The following EXT1 variants were observed in gnomAD, a reference collection of about 807,000 sequenced individuals.
The protein encoded by EXT1 is exostosin-1.
Under a neutral mutation model 82.5 loss-of-function variants are expected in EXT1, and 20 were observed. That is an observed-to-expected ratio of 0.24 (90% CI 0.17 to 0.35). The LOEUF (loss-of-function observed/expected upper bound fraction) is 0.35. Among genes scored for constraint, EXT1 ranks in the 10% least tolerant of loss-of-function variants. EXT1 has a pLI of 1.00. For synonymous variants in EXT1, 348 were observed against 350.8 expected (o/e 0.99, Z 0.09); for missense variants, 757 against 936.5 (o/e 0.81, Z 2.50).
intron 1 of EXT1, among the ~76,000 whole-genome samples, chr8:117,898,650 C>T (rs1025494093): frequency 6.6e-6 from 1 of 151,984 alleles, no homozygotes; most frequent in African/African-American, 2.4e-5. Context: ...TAAGTTAGAG[C>T]ACAAAACGTC....
chr8:117,998,652 A>T (rs1272212346), intron 1 of EXT1, among the ~76,000 whole-genome samples: 1 of 152,180 alleles, frequency 6.6e-6, no homozygotes, highest in Non-Finnish European at 1.5e-5. Flanking sequence ...CTGTTGGCTG[A>T]TCATGAGGAT....
intron 1 of EXT1, among the ~76,000 whole-genome samples, chr8:118,027,412 A>G (rs2129870537): frequency 6.6e-6 from 1 of 152,158 alleles, no homozygotes; most frequent in East Asian, 1.9e-4. Flanking sequence ...ACAAGGGTGG[A>G]AGAAACTGAG....
intron 1 of EXT1, among the ~76,000 whole-genome samples, chr8:117,855,131 A>C (rs1375843942): frequency 6.6e-6 from 1 of 152,236 alleles, no homozygotes; most frequent in East Asian, 1.9e-4. Flanking sequence ...CACTGCTTTG[A>C]TAGGATGCTA....
chr8:118,060,209 T>G (rs11562722), intron 1 of EXT1, among the ~76,000 whole-genome samples: 8,139 of 152,236 alleles, frequency 0.053, 688 homozygotes, highest in African/African-American at 0.19. Flanking sequence ...TTTCCTAGAT[T>G]CCCTTTAGTC....
At chr8:118,018,887 T>C (rs1816049839) in intron 1 of EXT1, among the ~76,000 whole-genome samples, 1 of 152,102 alleles carries the variant, frequency 6.6e-6, no homozygotes, top group Non-Finnish European at 1.5e-5. Context: ...CTCTCTTTTT[T>C]CCAATACAGA....
intron 1 of EXT1, among the ~76,000 whole-genome samples, chr8:117,982,498 C>CTT (rs143645683): frequency 2.0e-5 from 3 of 149,706 alleles, no homozygotes; most frequent in Admixed American, 6.7e-5. Flanking sequence ...ATTATTATTA[C>CTT]TTTTTTTTTT....
chr8:118,099,866 T>C (rs543471451), intron 1 of EXT1, among the ~76,000 whole-genome samples: 1 of 152,326 alleles, frequency 6.6e-6, no homozygotes, highest in East Asian at 1.9e-4. Flanking sequence ...AATATGTGCA[T>C]GCCAACAGGA....
chr8:117,958,889 C>G (rs1814640699), intron 1 of EXT1, among the ~76,000 whole-genome samples: 1 of 152,180 alleles, frequency 6.6e-6, no homozygotes, highest in Admixed American at 6.5e-5. Context: ...CACTTACCAT[C>G]TCTGGCTCCC....
intron 1 of EXT1, among the ~76,000 whole-genome samples, chr8:118,028,833 A>C (rs1443776204): frequency 6.6e-6 from 1 of 152,136 alleles, no homozygotes; most frequent in Non-Finnish European, 1.5e-5. Context: ...GAGGTAGGAG[A>C]ATCGCTTGAA....
At chr8:117,907,785 G>A (rs17475430) in intron 1 of EXT1, among the ~76,000 whole-genome samples, 2,021 of 152,182 alleles carry the variant, frequency 0.013, 51 homozygotes, top group African/African-American at 0.046. Context: ...TAATGGGTAA[G>A]TATTTATCCA....
chr8:118,101,093 A>C (rs17477434), intron 1 of EXT1, among the ~76,000 whole-genome samples: 3 of 152,226 alleles, frequency 2.0e-5, no homozygotes, highest in African/African-American at 7.2e-5. Flanking sequence ...TGAGTTTAAT[A>C]ATACCACCAC....
chr8:118,107,647 C>T (rs868236303), intron 1 of EXT1, among the ~76,000 whole-genome samples: 14 of 152,204 alleles, frequency 9.2e-5, no homozygotes, highest in South Asian at 2.1e-4. Flanking sequence ...ACACACGTTG[C>T]TTGCTCTGCT....
rs1001969797 is a variant in EXT1, at chr8:117,904,776, G to C, written c.963-67575C>G. Reference sequence around the variant, plus strand: ...GAGAATGCTTTAGCTGGAAAAAGTGGGGTGGTGGGGAGAAGGTTGGGGAGA... The same window carrying C: ...GAGAATGCTTTAGCTGGAAAAAGTGCGGTGGTGGGGAGAAGGTTGGGGAGA... On this transcript the variant is annotated intron_variant, in intron 1 of 10. Coordinates refer to ENST00000378204, the MANE Select transcript of EXT1 (RefSeq NM_000127.3). Among the ~76,000 whole-genome samples the C allele has an allele frequency of 2.0e-4, 31 of 152,020 alleles. 1 individual carries two copies. Among genetic ancestry groups the C allele is most frequent in the Non-Finnish European group, 4.4e-5 (3 of 68,014 alleles).
chr8:117,884,970 T>C (rs1430002796), intron 1 of EXT1, among the ~76,000 whole-genome samples: 1 of 152,106 alleles, frequency 6.6e-6, no homozygotes, highest in African/African-American at 2.4e-5. Context: ...ATAAAAGTGG[T>C]TTTCTAGTTA....
chr8:117,818,434 C>A lies in EXT1; in HGVS notation c.1632+1G>T. On this transcript the variant is annotated splice_donor_variant, in intron 7 of 10. Transcript: ENST00000378204. LOFTEE classifies it high-confidence loss of function. ...ACATATAGGTCCCCTTCGAGTCTTA[C>A]CTTGCTCTCTCCTTCAATGACGACG... 6.2e-7 allele frequency: 1 copy of A among 1,614,000 alleles called. No homozygotes were observed. Among genetic ancestry groups the A allele is most frequent in the Non-Finnish European group, 8.5e-7 (1 of 1,179,924 alleles).
chr8:117,808,132 T>G (rs17429936), intron 8 of EXT1, among the ~76,000 whole-genome samples: 29,268 of 152,238 alleles, frequency 0.19, 3,325 homozygotes, highest in Middle Eastern at 0.33. Flanking sequence ...CACTTATAGT[T>G]AGCAAGTGAT....
At chr8:117,950,452 T>C (rs1180768047) in intron 1 of EXT1, among the ~76,000 whole-genome samples, 1 of 152,184 alleles carries the variant, frequency 6.6e-6, no homozygotes, top group East Asian at 1.9e-4. Flanking sequence ...CATCAGATAA[T>C]GCCTGCTGTT....
intron 1 of EXT1, among the ~76,000 whole-genome samples, chr8:117,916,389 C>T (rs1280735683): frequency 5.3e-5 from 8 of 152,144 alleles, no homozygotes; most frequent in African/African-American, 7.2e-5. Flanking sequence ...CACAGGTGTG[C>T]GCACCCACAC....
Position 117,930,013 on chromosome 8 carries a change from C to A in EXT1, c.963-92812G>T, listed in dbSNP as rs1344360479. Among the ~76,000 whole-genome samples, 7 of 151,868 alleles carry A rather than the reference C, an allele frequency of 4.6e-5. No homozygotes were observed. In the South Asian group the frequency reaches 8.3e-4, roughly 18 times the overall value. ...ATCCCAGCTACTTGGGAGGCTGAGG[C>A]AGACTTGCTTGAACCTGGGAGGCGG... On this transcript the variant is annotated intron_variant, in intron 1 of 10. Coordinates refer to ENST00000378204, the MANE Select transcript of EXT1 (RefSeq NM_000127.3).
Sources: allele counts gnomAD v4.1 joint callset (sites outside exome capture counted in the v4.1 genomes callset), GRCh38; gene constraint gnomAD v4.1.1; transcripts MANE v1.5; gene names NCBI Gene and HGNC (gene_info 2026-07-23, HGNC 2026-07-21).